Variants in NRG1 observed in about 807,000 individuals in gnomAD.
The protein encoded by NRG1 is pro-neuregulin-1, membrane-bound isoform.
NRG1 carries 18 observed loss-of-function variants against 63.8 expected under a neutral mutation model. That is an observed-to-expected ratio of 0.28 (90% CI 0.19 to 0.42). The LOEUF is 0.42. NRG1 is among the 10% of genes least tolerant of loss of function. The pLI is 1.00. For missense variants in NRG1, 762 were observed against 814.7 expected (o/e 0.94, Z 0.79); for synonymous variants, 302 against 301.3 (o/e 1.00, Z -0.02).
At chr8:32,746,491 T>C (rs897419109) in intron 7 of NRG1, among the ~76,000 whole-genome samples, 3 of 152,202 alleles carry the variant, frequency 2.0e-5, no homozygotes, top group African/African-American at 7.2e-5. Context: ...AAAGTTGTTC[T>C]ATTGTTCTTT....
intron 1 of NRG1, among the ~76,000 whole-genome samples, chr8:32,356,489 G>A (rs895052661): frequency 6.4e-5 from 5 of 78,736 alleles, no homozygotes; most frequent in South Asian, 4.4e-4. Context: ...CCCCCCACCC[G>A]CCGGGCCCCA....
At chr8:32,223,819 A>G (rs1222318378) in intron 1 of NRG1, among the ~76,000 whole-genome samples, 1 of 152,182 alleles carries the variant, frequency 6.6e-6, no homozygotes, top group African/African-American at 2.4e-5. Context: ...ATTATGGGTT[A>G]TAAACCAATA....
chr8:31,870,835 A>C (rs1027998573), intron 1 of NRG1, among the ~76,000 whole-genome samples: 5 of 152,120 alleles, frequency 3.3e-5, no homozygotes, highest in Admixed American at 2.6e-4. Context: ...TCATGTGCAA[A>C]AGACTGCTTA....
intron 1 of NRG1, among the ~76,000 whole-genome samples, chr8:32,264,408 A>C (rs1259193227): frequency 6.6e-6 from 1 of 152,218 alleles, no homozygotes; most frequent in Admixed American, 6.5e-5. Context: ...TAGCACAAAA[A>C]AATGTGTATA....
intron 1 of NRG1, among the ~76,000 whole-genome samples, chr8:32,389,813 T>A (rs143138709): frequency 0.016 from 2,372 of 151,428 alleles, 63 homozygotes; most frequent in African/African-American, 0.055. Context: ...CAGGTTGGAG[T>A]GCAGTGGCGC....
intron 1 of NRG1, among the ~76,000 whole-genome samples, chr8:31,840,550 C>T (rs1432471248): frequency 6.6e-6 from 1 of 152,080 alleles, no homozygotes; most frequent in African/African-American, 2.4e-5. Flanking sequence ...AAATCTTACT[C>T]TTACCTCGCA....
chr8:32,197,485 G>C (rs754480484), intron 1 of NRG1, among the ~76,000 whole-genome samples: 8 of 152,192 alleles, frequency 5.3e-5, no homozygotes, highest in Non-Finnish European at 1.2e-4. Context: ...TGGGCAAAAT[G>C]TGCCTCGTAG....
chr8:31,911,493 T>G (rs1832940019), intron 1 of NRG1, among the ~76,000 whole-genome samples: 1 of 152,044 alleles, frequency 6.6e-6, no homozygotes, highest in Non-Finnish European at 1.5e-5. Context: ...AACAGAAAAC[T>G]AAATACCTCA....
intron 5 of NRG1, among the ~76,000 whole-genome samples, chr8:32,687,708 T>C (rs1279339833): frequency 2.0e-5 from 3 of 152,218 alleles, no homozygotes; most frequent in Non-Finnish European, 2.9e-5. Context: ...TTGTAAAAGA[T>C]AGAGTAAATG....
intron 7 of NRG1, among the ~76,000 whole-genome samples, chr8:32,746,468 AT>A (rs1827450920): frequency 6.6e-6 from 1 of 152,152 alleles, no homozygotes; most frequent in Admixed American, 6.6e-5. Flanking sequence ...TGGATATATA[AT>A]TTTTGTAAAA....
At chr8:31,965,240 T>G (rs1361103994) in intron 1 of NRG1, among the ~76,000 whole-genome samples, 1 of 137,310 alleles carries the variant, frequency 7.3e-6, no homozygotes, top group South Asian at 2.4e-4. Flanking sequence ...TTTTTTTTTT[T>G]GAGACAGAGT....
intron 5 of NRG1, among the ~76,000 whole-genome samples, chr8:32,693,279 CA>C (rs1413992981): frequency 3.3e-5 from 5 of 149,976 alleles, no homozygotes; most frequent in African/African-American, 1.2e-4. Context: ...AGTGCAGTGG[CA>C]CAATCTCGGC....
chr8:32,772,330 G>A (rs1330832335), downstream of NRG1, among the ~76,000 whole-genome samples: 1 of 151,712 alleles, frequency 6.6e-6, no homozygotes, highest in East Asian at 1.9e-4. Flanking sequence ...TACATCCAAG[G>A]TGGAAGTGAC....
intron 1 of NRG1, among the ~76,000 whole-genome samples, chr8:31,959,203 G>C (rs553711742): frequency 2.6e-5 from 4 of 152,258 alleles, no homozygotes; most frequent in African/African-American, 4.8e-5. Context: ...TGAGCTCTGT[G>C]TCTTGAAAAG....
chr8:31,724,679 A>T (rs557766505), intron 1 of NRG1, among the ~76,000 whole-genome samples: 16 of 152,256 alleles, frequency 1.1e-4, no homozygotes, highest in African/African-American at 3.8e-4. Context: ...ACTTATTTGT[A>T]AGAGAAGCTC....
chr8:32,772,732 C>T (rs1199987276), downstream of NRG1, among the ~76,000 whole-genome samples: 1 of 152,062 alleles, frequency 6.6e-6, no homozygotes, highest in Non-Finnish European at 1.5e-5. Context: ...GAAGGGGCTT[C>T]CTTGATTTGT....
intron 5 of NRG1, chr8:32,648,197 CA>C (rs753908575): frequency 6.2e-7 from 1 of 1,614,092 alleles, no homozygotes; most frequent in South Asian, 1.1e-5. Flanking sequence ...TGCAAGGTGA[CA>C]AGGCTGTTGT....
chr8:31,964,227 T>C (rs1264047487), intron 1 of NRG1, among the ~76,000 whole-genome samples: 1 of 152,176 alleles, frequency 6.6e-6, no homozygotes, highest in Non-Finnish European at 1.5e-5. Flanking sequence ...ATGTGATGAA[T>C]AATGTTGTGA....
chr8:31,834,139 C>T (rs967771365), intron 1 of NRG1, among the ~76,000 whole-genome samples: 3 of 152,124 alleles, frequency 2.0e-5, no homozygotes, highest in Non-Finnish European at 4.4e-5. Flanking sequence ...AAGTTCTTGG[C>T]AAGTATGTTT....
Sources: allele counts gnomAD v4.1 joint callset (sites outside exome capture counted in the v4.1 genomes callset), GRCh38; gene constraint gnomAD v4.1.1; transcripts MANE v1.5; gene names NCBI Gene and HGNC (gene_info 2026-07-23, HGNC 2026-07-21).